KMT2C: variants seen among roughly 807,000 people sequenced by gnomAD.
KMT2C encodes the protein lysine methyltransferase 2C, also known as histone-lysine N-methyltransferase 2C.
A neutral mutation model predicts 507.9 loss-of-function variants in KMT2C; 88 were observed. That is an observed-to-expected ratio of 0.17 (90% CI 0.15 to 0.21). The LOEUF (loss-of-function observed/expected upper bound fraction) is 0.21. KMT2C is among the 10% of genes least tolerant of loss of function. The probability of loss-of-function intolerance (pLI) is 1.00; values close to 1 mark genes in which losing one functional copy is unlikely to be tolerated. For synonymous variants in KMT2C, 2,049 were observed against 2,080.8 expected, an observed-to-expected ratio of 0.98 and a Z score of 0.42; for missense variants, 4,954 against 5,957.8, an observed-to-expected ratio of 0.83 and a Z score of 5.55.
chr7:152,300,752 T>C (rs1466432460), intron 6 of KMT2C, among the ~76,000 whole-genome samples: 1 of 152,188 alleles, frequency 6.6e-6, no homozygotes, highest in Non-Finnish European at 1.5e-5. Flanking sequence ...TTAAGGTTTA[T>C]CCTTCCTCTT....
In KMT2C at chr7:152,237,493, G is replaced by T. The variant is rs571603564; in HGVS notation, c.2652+1214C>A. ...ATGGCGTCAGGTTAGTTTTTTGGGG[G>T]TTTTTTTTGTTTGTTTATTTTTGAG... On this transcript the variant is annotated intron_variant, in intron 15 of 58. Coordinates refer to ENST00000262189, the MANE Select transcript of KMT2C (RefSeq NM_170606.3). 4.3e-4 allele frequency among the ~76,000 whole-genome samples: 37 copies of T among 86,868 alleles called. No homozygotes were observed. In the East Asian group the frequency reaches 6.2e-3, roughly 14 times the overall value. 57.0% of individuals were successfully genotyped at this position (86,868 alleles called of 152,430 possible). A position where few individuals can be genotyped will look rare whatever the true frequency, so the allele number is the denominator to read the frequency against.
At chr7:152,269,491 A>C (rs774999952) in intron 7 of KMT2C, among the ~76,000 whole-genome samples, 1 of 152,210 alleles carries the variant, frequency 6.6e-6, no homozygotes, top group Admixed American at 6.5e-5. Flanking sequence ...TTAAATATGA[A>C]TATTTAGACA....
chr7:152,213,128 T>C (rs2094493734), intron 23 of KMT2C, among the ~76,000 whole-genome samples: 1 of 152,232 alleles, frequency 6.6e-6, no homozygotes, highest in African/African-American at 2.4e-5. Context: ...ATTGTTAAAA[T>C]GTCCATACTA....
intron 6 of KMT2C, among the ~76,000 whole-genome samples, chr7:152,288,022 CAAAAA>C (rs66951420): frequency 6.3e-5 from 2 of 31,656 alleles, no homozygotes; most frequent in African/African-American, 1.2e-4. Context: ...GAGTCTGCCT[CAAAAA>C]AAAAAAAAAA....
chr7:152,204,352 T>G (rs2094233690), intron 25 of KMT2C, among the ~76,000 whole-genome samples: 1 of 152,088 alleles, frequency 6.6e-6, no homozygotes, highest in Non-Finnish European at 1.5e-5. Context: ...CCCAGCACTT[T>G]GGGAGGCTGA....
rs1466289441 is a variant in KMT2C, at chr7:152,147,715, AAAAAAAAAAAAAAG to A, written c.13894+304_13894+317del. ...AAAGAGAAACTCCGTCTCAAAAAAA[AAAAAAAAAAAAAAG>A]AAAAAGAAAAAGAAAAAGGAGGTCC... On this transcript the variant is annotated intron_variant, in intron 52 of 58. Coordinates refer to ENST00000262189, the MANE Select transcript of KMT2C (RefSeq NM_170606.3). Among the ~76,000 whole-genome samples, 8 of 148,070 alleles carry A rather than the reference AAAAAAAAAAAAAAG, an allele frequency of 5.4e-5. No homozygotes were observed. In the South Asian group the frequency reaches 1.5e-3, roughly 28 times the overall value.
In KMT2C at chr7:152,173,074, T is replaced by C. The variant is rs57892640; in HGVS notation, c.9374+1057A>G. On this transcript the variant is annotated intron_variant, in intron 39 of 58. Transcript: ENST00000262189. ...GACATAAAACAGTTAGGAATCTCTATGATAGAGAAATAGTGTTAATAAATA... is the reference window on the plus strand; with the variant it reads ...GACATAAAACAGTTAGGAATCTCTACGATAGAGAAATAGTGTTAATAAATA... Among the ~76,000 whole-genome samples the C allele has an allele frequency of 2.1e-3, 324 of 152,302 alleles. 8 individuals carry two copies. In the East Asian group the frequency reaches 0.054, roughly 25 times the overall value.
At chr7:152,343,450 G>GAAAAAAAAAAAAAAAAAAAAGAAAAA (rs200886066) in intron 2 of KMT2C, among the ~76,000 whole-genome samples, 1 of 72,462 alleles carries the variant, frequency 1.4e-5, no homozygotes, top group African/African-American at 4.6e-5. Context: ...AAAAGACTGG[G>GAAAAAAAAAAAAAAAAAAAAGAAAAA]AAAAAAAAAA....
At chr7:152,416,064 T>C (rs1364138514) in intron 1 of KMT2C, among the ~76,000 whole-genome samples, 1 of 152,004 alleles carries the variant, frequency 6.6e-6, no homozygotes, top group Non-Finnish European at 1.5e-5. Flanking sequence ...GCAACCTTTT[T>C]AGGGAGTGGC....
At chr7:152,317,083 C>T (rs1316053792) in intron 3 of KMT2C, among the ~76,000 whole-genome samples, 4 of 152,038 alleles carry the variant, frequency 2.6e-5, no homozygotes, top group Admixed American at 6.6e-5. Flanking sequence ...GAAAATGGAG[C>T]AATATTTTAA....
At chr7:152,258,914 A>C (rs1434794022) in intron 9 of KMT2C, among the ~76,000 whole-genome samples, 9 of 152,178 alleles carry the variant, frequency 5.9e-5, no homozygotes, top group Non-Finnish European at 1.2e-4. Context: ...ATACTGCTTT[A>C]TTAGATACAA....
At chr7:152,223,234 T>C (rs571185719) in intron 20 of KMT2C, among the ~76,000 whole-genome samples, 9 of 152,124 alleles carry the variant, frequency 5.9e-5, no homozygotes, top group Non-Finnish European at 1.2e-4. Context: ...AGTACAACAA[T>C]ATACCAATGA....
chr7:152,152,433 G>A (rs543268458), intron 49 of KMT2C, among the ~76,000 whole-genome samples: 14 of 152,174 alleles, frequency 9.2e-5, no homozygotes, highest in Admixed American at 3.3e-4. Context: ...CTGCTCAAGG[G>A]CAAGCCCGTC....
In KMT2C at chr7:152,310,136, A is replaced by C. The variant is rs559949916; in HGVS notation, c.740-61T>G. 4 of 1,114,594 alleles carry C rather than the reference A, an allele frequency of 3.6e-6. No homozygotes were observed. The South Asian group carries it at 5.4e-5, about 15-fold the overall frequency. The allele number at this position is 1,114,594 out of a possible 1,614,324, so 69.0% of individuals were successfully genotyped here. A position where few individuals can be genotyped will look rare whatever the true frequency, so the allele number is the denominator to read the frequency against. ...AACATTAAAAAAATTAAAGCTAATAAATAAAGACATAAAACTTCAAAATCA... is the reference window on the plus strand; with the variant it reads ...AACATTAAAAAAATTAAAGCTAATACATAAAGACATAAAACTTCAAAATCA... On this transcript the variant is annotated intron_variant, in intron 5 of 58. Coordinates refer to ENST00000262189, the MANE Select transcript of KMT2C (RefSeq NM_170606.3).
chr7:152,337,913 G>A (rs1265171714), intron 2 of KMT2C, among the ~76,000 whole-genome samples: 1 of 150,972 alleles, frequency 6.6e-6, no homozygotes, highest in African/African-American at 2.4e-5. Context: ...CTGGAGTGCA[G>A]TGGCGCGATC....
chr7:152,193,576 CA>C (rs1329963544), intron 31 of KMT2C, among the ~76,000 whole-genome samples: 6 of 152,098 alleles, frequency 3.9e-5, no homozygotes, highest in Non-Finnish European at 2.9e-5. Flanking sequence ...CCATATGCTA[CA>C]AATGAAAAAC....
chr7:152,241,609 G>C (rs1464044852), intron 14 of KMT2C, among the ~76,000 whole-genome samples: 8 of 152,146 alleles, frequency 5.3e-5, no homozygotes, highest in Admixed American at 5.2e-4. Context: ...GCCTCTCATT[G>C]CATCACCACC....
intron 23 of KMT2C, among the ~76,000 whole-genome samples, chr7:152,210,577 G>A (rs941068142): frequency 6.6e-5 from 10 of 151,386 alleles, no homozygotes; most frequent in Admixed American, 2.6e-4. Flanking sequence ...GCTATCATTA[G>A]TGTATTTTAT....
At chr7:152,179,800 C>G (rs2129117826) in intron 37 of KMT2C, 34 bp downstream of exon 37, 1 of 1,592,444 alleles carries the variant, frequency 6.3e-7, no homozygotes, top group Non-Finnish European at 8.6e-7. Context: ...CTTCTAATAG[C>G]AATTTAAATT....
Sources: gnomAD v4.1 joint callset for allele counts (sites outside exome capture counted in the v4.1 genomes callset) on GRCh38, gnomAD v4.1.1 for gene constraint, MANE v1.5 for transcripts, NCBI Gene and HGNC (gene_info 2026-07-23, HGNC 2026-07-21) for gene names.